IL18RAP: variants seen among roughly 807,000 people sequenced by gnomAD.
IL18RAP encodes the protein interleukin 18 receptor accessory protein.
A neutral mutation model predicts 58.1 loss-of-function variants in IL18RAP; 37 were observed. That is an observed-to-expected ratio of 0.64 (90% CI 0.49 to 0.84). The LOEUF is 0.84. Among genes scored for constraint, IL18RAP ranks in the 40% least tolerant of loss-of-function variants. The probability of loss-of-function intolerance (pLI) is 0.00; values close to 1 mark genes in which losing one functional copy is unlikely to be tolerated. For synonymous variants in IL18RAP, 268 were observed against 257.5 expected (o/e 1.04, Z -0.39); for missense variants, 667 against 704.8 (o/e 0.95, Z 0.61).
chr2:102,422,748 T>C (rs1681653830), upstream of IL18RAP, among the ~76,000 whole-genome samples: 1 of 152,188 alleles, frequency 6.6e-6, no homozygotes, highest in Non-Finnish European at 1.5e-5. Flanking sequence ...TCTAATAGAA[T>C]AGACTAGTAT....
chr2:102,446,943 T>G, intron 7 of IL18RAP, 127 bp from the exon 8 acceptor site: 1 of 988,714 alleles, frequency 1.0e-6, no homozygotes, highest in Non-Finnish European at 1.5e-6. Context: ...CTGCTGCTAG[T>G]GGCAATGATT....
intron 6 of IL18RAP, 33 bp downstream of exon 6, chr2:102,443,356 C>T (rs1026105709): frequency 1.2e-6 from 2 of 1,600,828 alleles, no homozygotes; most frequent in East Asian, 4.5e-5. Flanking sequence ...CTGTTCTCTG[C>T]AATTCAGAAG....
chr2:102,423,673 C>G (rs1351530194), intron 1 of IL18RAP, 138 bp from the exon 2 acceptor site: 1 of 708,334 alleles, frequency 1.4e-6, no homozygotes, highest in Admixed American at 2.9e-5. Flanking sequence ...ACTTCCTTTC[C>G]CCTACAAAAT....
At chr2:102,421,425 C>T (rs1486821820), upstream of IL18RAP, among the ~76,000 whole-genome samples, 3 of 152,050 alleles carry the variant, frequency 2.0e-5, no homozygotes, top group Non-Finnish European at 1.5e-5. Flanking sequence ...GAGCCGGTGA[C>T]GTTTTGGGCA....
intron 4 of IL18RAP, 84 bp downstream of exon 4, chr2:102,437,446 T>C: frequency 7.2e-7 from 1 of 1,381,838 alleles, no homozygotes; most frequent in Non-Finnish European, 9.9e-7. Context: ...TTTTTCCTCT[T>C]AGGGAAAGAA....
At chr2:102,423,498 A>G in intron 1 of IL18RAP, 151 bp downstream of exon 1, 1 of 771,050 alleles carries the variant, frequency 1.3e-6, no homozygotes, top group East Asian at 2.5e-5. Flanking sequence ...ATTAGGGTGA[A>G]CAGCTTTCAG....
At chr2:102,439,085 T>C (rs939455048) in intron 4 of IL18RAP, 4 of 152,242 alleles carry the variant, frequency 2.6e-5, no homozygotes, top group African/African-American at 9.6e-5. Flanking sequence ...ACTCTTCTAA[T>C]ACGTGTTAAA....
At chr2:102,422,071 C>T (rs1197925896), upstream of IL18RAP, among the ~76,000 whole-genome samples, 3 of 152,056 alleles carry the variant, frequency 2.0e-5, no homozygotes, top group Admixed American at 6.5e-5. Context: ...CTCTAGCAGG[C>T]GTGGTTCTTC....
At chr2:102,435,002 G>T (rs1211646160) in intron 3 of IL18RAP, 5 of 125,818 alleles carry the variant, frequency 4.0e-5, no homozygotes, top group Non-Finnish European at 9.1e-5. Context: ...CCCATTAAAA[G>T]ATAAATATTA....
At chr2:102,443,677 T>C (rs777904769) in intron 6 of IL18RAP, among the ~76,000 whole-genome samples, 28 of 152,056 alleles carry the variant, frequency 1.8e-4, no homozygotes, top group Non-Finnish European at 3.8e-4. Flanking sequence ...AGTGTGGGGG[T>C]ACAGGGATCC....
Position 102,437,273 on chromosome 2 carries a change from A to G in IL18RAP, c.641A>G (p.Tyr214Cys). ...ATCGTAGTGGATGAAGTTTATGACT[A>G]TCACCAGGGCACATATGTATGTGAT... ...NRIVVDEVYD[Y>C]HQGTYVCDYT... The change falls in exon 4 of 10, where the codon TAT becomes TGT. Residue 214 changes from tyrosine (Y) to cysteine (C), a missense_variant. Coordinates refer to ENST00000687160, the MANE Select transcript of IL18RAP (RefSeq NM_001393487.1). 1.2e-6 allele frequency: 2 copies of G among 1,613,814 alleles called. No homozygotes were observed. The highest frequency in any genetic ancestry group is 1.7e-6 in the Non-Finnish European group (2 of 1,179,844).
chr2:102,436,682 A>AG (rs1285140211), intron 3 of IL18RAP, among the ~76,000 whole-genome samples: 1 of 84,038 alleles, frequency 1.2e-5, no homozygotes, highest in East Asian at 5.5e-4. Flanking sequence ...TCAGAGAGAG[A>AG]AAAAAAAGCC....
At chr2:102,424,201 T>C in intron 2 of IL18RAP, 30 bp from the exon 3 acceptor site, 3 of 1,610,634 alleles carry the variant, frequency 1.9e-6, no homozygotes, top group Non-Finnish European at 2.5e-6. Flanking sequence ...ACAAAATATC[T>C]ATGTTCACAG....
chr2:102,438,563 G>A (rs1682901689), intron 4 of IL18RAP: 2 of 152,160 alleles, frequency 1.3e-5, no homozygotes, highest in South Asian at 2.1e-4. Context: ...ATGTGTAATT[G>A]TTCTTTAACT....
chr2:102,451,645 G>A (rs1683773229), intron 9 of IL18RAP, 121 bp from the exon 10 acceptor site: 6 of 779,244 alleles, frequency 7.7e-6, no homozygotes, highest in Non-Finnish European at 1.3e-5. Context: ...AGCTGATACA[G>A]TGTAAGTGGT....
At chr2:102,432,447 A>G (rs1682437998) in intron 3 of IL18RAP, 1 of 154,440 alleles carries the variant, frequency 6.5e-6, no homozygotes, top group Admixed American at 6.5e-5. Flanking sequence ...CAAATGCCCT[A>G]CATCTGGCCG....
In IL18RAP at chr2:102,441,305, C is replaced by T. The variant is rs767399937; in HGVS notation, c.731-7C>T. 2.5e-6 allele frequency: 4 copies of T among 1,611,162 alleles called. No homozygotes were observed. Among genetic ancestry groups the T allele is most frequent in the Non-Finnish European group, 3.4e-6 (4 of 1,177,608 alleles). On this transcript the variant is annotated splice_region_variant and splice_polypyrimidine_tract_variant and intron_variant, in intron 4 of 9. Transcript: ENST00000687160. ...TGCAAATAGTAATCTTTGTTTTCAT[C>T]TTTCAGTGGGAGACACTAAACTCAA... is the stretch of plus-strand genomic sequence containing the variant.
chr2:102,439,429 T>C (rs186079801), intron 4 of IL18RAP: 5 of 152,688 alleles, frequency 3.3e-5, no homozygotes, highest in Non-Finnish European at 1.5e-5. Context: ...GCAGGAGCCA[T>C]GGATACAAGC....
chr2:102,420,020 C>T (rs1049639361), upstream of IL18RAP, among the ~76,000 whole-genome samples: 3 of 152,196 alleles, frequency 2.0e-5, no homozygotes, highest in Non-Finnish European at 2.9e-5. Flanking sequence ...CCTTCCGATT[C>T]GGTGAAGCAT....
Sources: allele counts gnomAD v4.1 joint callset (sites outside exome capture counted in the v4.1 genomes callset), GRCh38; gene constraint gnomAD v4.1.1; transcripts MANE v1.5; gene names NCBI Gene and HGNC (gene_info 2026-07-23, HGNC 2026-07-21).